GCSAML: variants seen among roughly 807,000 people sequenced by gnomAD.
GCSAML encodes the protein germinal center associated signaling and motility like.
A neutral mutation model predicts 13.0 loss-of-function variants in GCSAML; 9 were observed. The observed-to-expected ratio is 0.69, with a 90% CI of 0.42 to 1.21. GCSAML has a LOEUF of 1.21. GCSAML is among the 50% of genes most tolerant of loss of function. GCSAML has a pLI of 0.00. For missense variants in GCSAML, 143 were observed against 153.4 expected (o/e 0.93, Z 0.36); for synonymous variants, 37 against 52.9 (o/e 0.70, Z 1.31).
At chr1:247,518,442 G>GC (rs1198609753) in intron 1 of GCSAML, 1 of 152,430 alleles carries the variant, frequency 6.6e-6, no homozygotes, top group Non-Finnish European at 1.5e-5. Flanking sequence ...TTCCCGCGCG[G>GC]CTGCCGCCCT....
At chr1:247,565,137 A>G (rs537661017) in intron 3 of GCSAML, among the ~76,000 whole-genome samples, 7 of 152,286 alleles carry the variant, frequency 4.6e-5, no homozygotes, top group African/African-American at 1.7e-4. Context: ...AGGTGGGCAG[A>G]TCACGAGGTC....
intron 1 of GCSAML, among the ~76,000 whole-genome samples, chr1:247,517,193 G>A (rs1666239417): frequency 1.3e-5 from 2 of 152,314 alleles, no homozygotes; most frequent in Middle Eastern, 3.4e-3. Flanking sequence ...ATTGAGTCAA[G>A]AGATTGGACC....
chr1:247,563,533 G>T, intron 2 of GCSAML, 57 bp from the exon 3 acceptor site: 1 of 1,009,198 alleles, frequency 9.9e-7, no homozygotes, highest in Non-Finnish European at 1.5e-6. Flanking sequence ...TTTTTGAAAG[G>T]CATTTTCAGC....
intron 1 of GCSAML, among the ~76,000 whole-genome samples, chr1:247,521,930 G>C (rs1171529124): frequency 6.6e-6 from 1 of 152,040 alleles, no homozygotes; most frequent in Non-Finnish European, 1.5e-5. Context: ...CGTCTAGGAA[G>C]TGAGGAGCGT....
rs61746303 is a variant in GCSAML at position 247,532,455 on chromosome 1, G to A, written c.-148+5401G>A. 944 of 1,613,886 alleles carry A rather than the reference G, an allele frequency of 5.8e-4. 3 individuals are homozygous for A. In the African/African-American group the frequency reaches 0.01, roughly 17 times the overall value. On this transcript the variant is annotated intron_variant, in intron 2 of 5. Transcript: ENST00000366489. ...GGACAGTTTCTAGTGAGGGTCGTGT[G>A]GAGAAGCCCAGGAGGACAAAGACTT...
rs71642420 is a variant in GCSAML at position 247,573,248 on chromosome 1, C to G, written c.169-895C>G. Among the ~76,000 whole-genome samples the G allele has an allele frequency of 7.3e-3, 1,113 of 152,320 alleles. 7 individuals are homozygous for G. Among genetic ancestry groups the G allele is most frequent in the Non-Finnish European group, 0.012 (806 of 68,024 alleles). ...AAAACTCCTGCAGCTAGCTTGGTGT[C>G]TGCTCAAATGGCCACTCAGTTTTGT... is the stretch of plus-strand genomic sequence containing the variant. On this transcript the variant is annotated intron_variant, in intron 4 of 4. Transcript: ENST00000366488.
At chr1:247,536,329 G>T (rs1355427198) in intron 2 of GCSAML, 1 of 152,164 alleles carries the variant, frequency 6.6e-6, no homozygotes, top group East Asian at 1.9e-4. Context: ...GCAAATAGTG[G>T]AAATCTCTAA....
intron 1 of GCSAML, among the ~76,000 whole-genome samples, chr1:247,521,154 A>C (rs1572290504): frequency 6.8e-6 from 1 of 148,130 alleles, no homozygotes; most frequent in South Asian, 2.1e-4. Flanking sequence ...TCCTATAGGC[A>C]TCTTTCTAAC....
intron 2 of GCSAML, chr1:247,530,038 G>A (rs149381203): frequency 6.7e-6 from 1 of 150,124 alleles, no homozygotes; most frequent in Non-Finnish European, 1.5e-5. Flanking sequence ...TCCCCCTCAG[G>A]GTGTGTGTGT....
At chr1:247,547,929 G>C (rs960996122), upstream of GCSAML, among the ~76,000 whole-genome samples, 4 of 152,086 alleles carry the variant, frequency 2.6e-5, no homozygotes, top group Non-Finnish European at 5.9e-5. Flanking sequence ...ATCTGAAATG[G>C]GGTGTGTGAC....
At chr1:247,528,345 C>T (rs542134006) in intron 2 of GCSAML, 1 of 152,294 alleles carries the variant, frequency 6.6e-6, no homozygotes, top group Admixed American at 6.5e-5. Context: ...AGGTAATTAA[C>T]ATATCCATTA....
At chr1:247,515,508 A>G (rs989623531) in intron 1 of GCSAML, among the ~76,000 whole-genome samples, 1 of 152,224 alleles carries the variant, frequency 6.6e-6, no homozygotes, top group Non-Finnish European at 1.5e-5. Flanking sequence ...GATGTAGTGT[A>G]TCATTCTGTT....
At chr1:247,523,898 A>G (rs1478399394) in intron 1 of GCSAML, among the ~76,000 whole-genome samples, 3 of 152,128 alleles carry the variant, frequency 2.0e-5, no homozygotes, top group African/African-American at 7.2e-5. Flanking sequence ...AATTTTGAAT[A>G]TGGTAAAGGT....
At position 247,577,249 on chromosome 1, in the gene GCSAML, CA is replaced by C. The variant is rs1668870563; in HGVS notation, c.*2869del. The C allele has an allele frequency of 1.3e-5, 2 of 152,092 alleles. No individual in the cohort carries two copies. The highest frequency in any genetic ancestry group is 2.9e-5 in the Non-Finnish European group (2 of 68,026). The allele number at this position is 152,092 out of a possible 1,614,324, so 9.4% of individuals were successfully genotyped here. A position where few individuals can be genotyped will look rare whatever the true frequency, so the allele number is the denominator to read the frequency against. Reference sequence around the variant, plus strand: ...AGTTTTACTCAAGTGTGATTATATACAAGAAAATGTAACCACTGTAAGGGTA... The same window carrying C: ...AGTTTTACTCAAGTGTGATTATATACAGAAAATGTAACCACTGTAAGGGTA... On this transcript the variant is annotated 3_prime_UTR_variant, in exon 5 of 5. Coordinates refer to ENST00000366488, the MANE Select transcript of GCSAML (RefSeq NM_145278.5).
intron 1 of GCSAML, among the ~76,000 whole-genome samples, chr1:247,520,526 TCACA>T (rs10597982): frequency 6.7e-6 from 1 of 150,280 alleles, no homozygotes; most frequent in East Asian, 2.0e-4. Flanking sequence ...CCCCACCTCT[TCACA>T]CACACACACA....
chr1:247,533,375 C>T (rs12567576), intron 2 of GCSAML: 1 of 152,070 alleles, frequency 6.6e-6, no homozygotes, highest in Non-Finnish European at 1.5e-5. Context: ...TAGAATCCCT[C>T]TTCCCCAAGG....
intron 2 of GCSAML, chr1:247,529,402 T>C (rs1445460071): frequency 1.3e-5 from 2 of 152,208 alleles, no homozygotes; most frequent in African/African-American, 4.8e-5. Context: ...GAATGGGCTT[T>C]ATTGAATGAT....
chr1:247,507,158 A>G (rs1665859855), exon 1 of GCSAML: 1 of 152,202 alleles, frequency 6.6e-6, no homozygotes, highest in African/African-American at 2.4e-5. Flanking sequence ...AGATGAGCTG[A>G]TGGCATTCCC....
chr1:247,529,750 C>T (rs1393544729), intron 2 of GCSAML: 8 of 117,192 alleles, frequency 6.8e-5, no homozygotes, highest in East Asian at 2.4e-4. Context: ...TTTTTTGATG[C>T]GATTAACATT....
Sources: gnomAD v4.1 joint callset for allele counts (sites outside exome capture counted in the v4.1 genomes callset) on GRCh38, gnomAD v4.1.1 for gene constraint, MANE v1.5 for transcripts, NCBI Gene and HGNC (gene_info 2026-07-23, HGNC 2026-07-21) for gene names.